NT5DC4: variants seen among roughly 807,000 people sequenced by gnomAD.
The protein encoded by NT5DC4 is 5'-nucleotidase domain-containing protein 4.
A neutral mutation model predicts 26.6 loss-of-function variants in NT5DC4; 44 were observed. The observed-to-expected ratio is 1.65, with a 90% CI of 1.30 to 2.13. The LOEUF (loss-of-function observed/expected upper bound fraction) is 2.13. Ranked by LOEUF, NT5DC4 falls within the 30% of genes most tolerant of loss-of-function variation. NT5DC4 has a pLI of 0.00. For synonymous variants in NT5DC4, 157 were observed against 86.7 expected (o/e 1.81, Z -4.51); for missense variants, 399 against 228.1 (o/e 1.75, Z -4.83).
intron 7 of NT5DC4, 106 bp from the exon 8 acceptor site, chr2:112,723,312 G>A (rs2104717532): frequency 2.9e-6 from 2 of 698,300 alleles, no homozygotes; most frequent in Middle Eastern, 2.4e-4. Context: ...GCTTCCCAGA[G>A]CCGCCCACTT....
chr2:112,721,596 GCACACATGCT>G (rs1396801148), intron 1 of NT5DC4: 4 of 717,416 alleles, frequency 5.6e-6, no homozygotes, highest in Non-Finnish European at 1.0e-5. Context: ...ATGCACGCTT[GCACACATGCT>G]CACACATGCT....
chr2:112,722,688 C>G, intron 5 of NT5DC4, 26 bp from the exon 6 acceptor site: 1 of 717,600 alleles, frequency 1.4e-6, no homozygotes. Context: ...CCTGGGCTGA[C>G]AACTGACCAT....
rs1218263386 is a variant in NT5DC4 at position 112,724,780 on chromosome 2, G to A, written c.790-1G>A. The A allele has an allele frequency of 4.2e-6, 3 of 717,048 alleles. No homozygotes were observed. The highest frequency in any genetic ancestry group is 7.8e-6 in the Non-Finnish European group (3 of 384,974). 44.4% of individuals were successfully genotyped at this position (717,048 alleles called of 1,614,324 possible). A position where few individuals can be genotyped will look rare whatever the true frequency, so the allele number is the denominator to read the frequency against. On this transcript the variant is annotated splice_acceptor_variant, in intron 10 of 16. Transcript: ENST00000688554. LOFTEE classifies it high-confidence loss of function. ...GTGCAGCCCGTGTGCACCCCCAACA[G>A]GCTGAAGCCTCGGGCAGGCCCTGGA...
downstream of NT5DC4, chr2:112,741,154 TGA>T (rs1679926256): frequency 1.5e-6 from 1 of 652,782 alleles, no homozygotes; most frequent in African/African-American, 1.8e-5. Context: ...ATTTGAAGTG[TGA>T]CTTATAACTT....
chr2:112,737,652 T>C (rs1335261676), intron 16 of NT5DC4: 2 of 152,166 alleles, frequency 1.3e-5, no homozygotes, highest in Non-Finnish European at 2.9e-5. Context: ...TTTTTTGAGC[T>C]TTATTATAAA....
chr2:112,725,089 C>A (rs1677525143), intron 11 of NT5DC4, 85 bp from the exon 12 acceptor site: 1 of 663,070 alleles, frequency 1.5e-6, no homozygotes. Context: ...GTTACCTCTG[C>A]CACTCCCAGC....
intron 13 of NT5DC4, 141 bp from the exon 14 acceptor site, chr2:112,726,097 G>C: frequency 1.5e-6 from 1 of 652,614 alleles, no homozygotes; most frequent in East Asian, 2.7e-5. Context: ...AGAGTCTCAC[G>C]TGATGTAAGG....
intron 15 of NT5DC4, 107 bp from the exon 16 acceptor site, chr2:112,729,518 GGC>G (rs1678211821): frequency 4.4e-6 from 3 of 674,556 alleles, no homozygotes; most frequent in Admixed American, 2.1e-5. Context: ...AACATCGTTG[GGC>G]AGGAAGTTGG....
At chr2:112,737,276 T>C (rs1188119605) in intron 16 of NT5DC4, 2 of 152,176 alleles carry the variant, frequency 1.3e-5, no homozygotes, top group African/African-American at 4.8e-5. Flanking sequence ...ATAACAGTTC[T>C]ATTTTTAATT....
At chr2:112,727,611 C>A (rs1172190102) in intron 15 of NT5DC4, among the ~76,000 whole-genome samples, 2 of 152,152 alleles carry the variant, frequency 1.3e-5, no homozygotes, top group Non-Finnish European at 2.9e-5. Context: ...GAGGAGCTGC[C>A]CCACCTCCAA....
At chr2:112,742,709 C>T (rs1283804271), downstream of NT5DC4, 1 of 1,588,906 alleles carries the variant, frequency 6.3e-7, no homozygotes. Flanking sequence ...ATAGTACCTT[C>T]TGTGGTTCTG....
rs2104694951 is a variant in NT5DC4 at position 112,721,136 on chromosome 2, G to A, written c.57G>A (p.Lys19=). Residue 19 remains lysine, a synonymous_variant, in exon 1 of 17, where the codon AAG becomes AAA. Transcript: ENST00000688554. The part of the protein sequence containing the change: ...PEGLVSPQGP[K]QDWHQRIFVN... ...GACTGGTCTCCCCTCAAGGCCCGAA[G>A]CAGGACTGGCACCAGCGGTGAGATG... Among the ~76,000 whole-genome samples, 1 of 152,316 alleles carries A rather than the reference G, an allele frequency of 6.6e-6. No individual in the cohort carries two copies. The highest frequency in any genetic ancestry group is 1.5e-5 in the Non-Finnish European group (1 of 68,006).
intron 9 of NT5DC4, 97 bp downstream of exon 9, chr2:112,723,899 C>A: frequency 1.4e-6 from 1 of 695,652 alleles, no homozygotes; most frequent in South Asian, 1.6e-5. Context: ...GGGCGGGGAG[C>A]CAAGACCCTC....
At chr2:112,722,903 C>T (rs1344998945) in intron 6 of NT5DC4, 132 bp downstream of exon 6, 2 of 161,266 alleles carry the variant, frequency 1.2e-5, no homozygotes. Context: ...GGGAAGGCCT[C>T]TATTGCAGGC....
chr2:112,730,327 A>AAT (rs1343388132), intron 16 of NT5DC4, among the ~76,000 whole-genome samples: 7 of 151,230 alleles, frequency 4.6e-5, no homozygotes, highest in African/African-American at 1.7e-4. Context: ...AAAAAAAAAA[A>AAT]AAAAGCGACA....
At chr2:112,741,822 G>A (rs578108173), downstream of NT5DC4, among the ~76,000 whole-genome samples, 12 of 151,492 alleles carry the variant, frequency 7.9e-5, no homozygotes, top group Non-Finnish European at 1.5e-4. Flanking sequence ...GTGCAGTGGC[G>A]TGATCTTCAT....
intron 1 of NT5DC4, chr2:112,721,499 A>G: frequency 1.4e-6 from 1 of 717,832 alleles, no homozygotes; most frequent in Non-Finnish European, 2.6e-6. Flanking sequence ...CACACCAACA[A>G]CTGCACCTAC....
chr2:112,740,073 G>A (rs1027496311), downstream of NT5DC4, among the ~76,000 whole-genome samples: 8 of 152,160 alleles, frequency 5.3e-5, no homozygotes, highest in African/African-American at 1.7e-4. Context: ...TAGTGGTTTT[G>A]TGAATTCTAG....
At chr2:112,723,542 G>T (rs1677255345) in intron 8 of NT5DC4, 74 bp downstream of exon 8, 6 of 706,478 alleles carry the variant, frequency 8.5e-6, no homozygotes, top group Admixed American at 2.0e-5. Context: ...CCCTTCTCTG[G>T]CTTTCTTCGA....
Sources: gnomAD v4.1 joint callset for allele counts (sites outside exome capture counted in the v4.1 genomes callset) on GRCh38, gnomAD v4.1.1 for gene constraint, MANE v1.5 for transcripts, NCBI Gene and HGNC (gene_info 2026-07-23, HGNC 2026-07-21) for gene names.